Variants in EML5 observed in about 807,000 individuals in gnomAD.
EML5 encodes echinoderm microtubule-associated protein-like 5.
In EML5, 120 loss-of-function variants were observed where a neutral mutation model predicts 250.0. The ratio of observed to expected loss-of-function variants is 0.48; its 90% CI spans 0.41 to 0.56. The LOEUF (loss-of-function observed/expected upper bound fraction) is 0.56. EML5 is among the 20% of genes least tolerant of loss of function. The probability of loss-of-function intolerance (pLI) is 0.00; values close to 1 mark genes in which losing one functional copy is unlikely to be tolerated. For missense variants in EML5, 2,006 were observed against 2,437.6 expected (o/e 0.82, Z 3.73); for synonymous variants, 771 against 806.5 (o/e 0.96, Z 0.75).
At chr14:88,663,727 G>T (rs1189138763) in intron 23 of EML5, among the ~76,000 whole-genome samples, 2 of 150,718 alleles carry the variant, frequency 1.3e-5, no homozygotes, top group African/African-American at 4.9e-5. Flanking sequence ...TAGGAATGGG[G>T]TCTCACTGTG....
rs923502285 is a variant in EML5, at chr14:88,792,595, C to T, written c.-92G>A. The T allele has an allele frequency of 1.7e-6, 2 of 1,184,088 alleles. No individual in the cohort carries two copies. Among genetic ancestry groups the T allele is most frequent in the Non-Finnish European group, 2.1e-6 (2 of 956,816 alleles). 73.3% of individuals were successfully genotyped at this position (1,184,088 alleles called of 1,614,324 possible). On this transcript the variant is annotated 5_prime_UTR_variant, in exon 1 of 44. Transcript: ENST00000554922. This position sits in a 1 kb window ranked among gnomAD's most constrained non-coding sequence, Gnocchi z 6.9. ...CAACGAAAGCCCTCCCGCTGGCTGCCGGGACTTCCCGCCAGCCGCGTCCTC... is the reference window on the plus strand; with the variant it reads ...CAACGAAAGCCCTCCCGCTGGCTGCTGGGACTTCCCGCCAGCCGCGTCCTC...
chr14:88,701,808 C>A (rs995631683), intron 14 of EML5, among the ~76,000 whole-genome samples: 1 of 152,140 alleles, frequency 6.6e-6, no homozygotes, highest in Admixed American at 6.6e-5. Flanking sequence ...TAAACCTCAT[C>A]ATTTGTAGAC....
intron 1 of EML5, among the ~76,000 whole-genome samples, chr14:88,759,147 G>A (rs34372835): frequency 0.038 from 5,802 of 151,302 alleles, 181 homozygotes; most frequent in Non-Finnish European, 0.058. Context: ...TTTATGTTAT[G>A]TGAATCATAT....
At chr14:88,722,153 T>C (rs1041250552) in intron 8 of EML5, among the ~76,000 whole-genome samples, 3 of 152,246 alleles carry the variant, frequency 2.0e-5, no homozygotes, top group Admixed American at 1.3e-4. Context: ...GGAATGCTTT[T>C]ACACTGTTGG....
At position 88,717,731 on chromosome 14, in the gene EML5, G is replaced by C. The variant is rs1430470657; in HGVS notation, c.1188-2536C>G. 2.0e-5 allele frequency among the ~76,000 whole-genome samples: 3 copies of C among 151,508 alleles called. No individual in the cohort carries two copies. In the South Asian group the frequency reaches 6.3e-4, roughly 32 times the overall value. ...GATCCTGCCACTGCACTCCAGCCTGGGTGACAGGGCGAGACTCCGTCTCAA... is the reference window on the plus strand; with the variant it reads ...GATCCTGCCACTGCACTCCAGCCTGCGTGACAGGGCGAGACTCCGTCTCAA... On this transcript the variant is annotated intron_variant, in intron 8 of 43. Transcript: ENST00000554922.
chr14:88,616,631 A>G, intron 42 of EML5, 95 bp downstream of exon 42: 1 of 1,261,440 alleles, frequency 7.9e-7, no homozygotes, highest in East Asian at 2.5e-5. Flanking sequence ...TTTAGAAATT[A>G]GGACAAAACA....
In EML5 at chr14:88,618,277, G is replaced by A. The variant is rs2088089611; in HGVS notation, c.5593C>T (p.Leu1865Phe). The change falls in exon 41 of 44, where the codon CTT (leucine) becomes TTT (phenylalanine). Residue 1865 changes from leucine (L) to phenylalanine (F), a missense_variant. Coordinates refer to ENST00000554922, the MANE Select transcript of EML5 (RefSeq NM_183387.3). ...CTGTCAATAGCGGCATGATCCATAA[G>A]ATGTTTTCCTGAAGGCACTTCATAG... ...HVYEVPSGKH[L>F]MDHAAIDRIT... 5 of 1,613,790 alleles carry A rather than the reference G, an allele frequency of 3.1e-6. No individual in the cohort carries two copies. The highest frequency in any genetic ancestry group is 4.2e-6 in the Non-Finnish European group (5 of 1,179,854).
intron 1 of EML5, among the ~76,000 whole-genome samples, chr14:88,767,778 A>C (rs890669580): frequency 6.6e-6 from 1 of 152,188 alleles, no homozygotes; most frequent in Admixed American, 6.5e-5. Context: ...ATCCCTCATC[A>C]CACTTCATTA....
intron 21 of EML5, among the ~76,000 whole-genome samples, chr14:88,668,192 A>G (rs2092358064): frequency 6.6e-6 from 1 of 152,164 alleles, no homozygotes; most frequent in South Asian, 2.1e-4. Flanking sequence ...TTTTTATTAA[A>G]TTCCCACTGT....
At chr14:88,626,359 T>C (rs61984736) in intron 35 of EML5, 30,119 of 155,926 alleles carry the variant, frequency 0.19, 3,646 homozygotes, top group East Asian at 0.37. Flanking sequence ...TGGTGGCTCA[T>C]GCCTGTAAAC....
intron 2 of EML5, among the ~76,000 whole-genome samples, chr14:88,752,718 C>T (rs1373558211): frequency 6.6e-6 from 1 of 152,186 alleles, no homozygotes; most frequent in African/African-American, 2.4e-5. Context: ...TGTTTTCCCA[C>T]CCGAATGTTG....
chr14:88,770,850 C>T (rs1406974781), intron 1 of EML5, among the ~76,000 whole-genome samples: 1 of 152,080 alleles, frequency 6.6e-6, no homozygotes, highest in Non-Finnish European at 1.5e-5. Flanking sequence ...AAGATTATTA[C>T]CCATCCATAT....
chr14:88,706,020 C>A, intron 11 of EML5: 1 of 548,476 alleles, frequency 1.8e-6, no homozygotes. Context: ...ATTAATATAA[C>A]TGTTTCTTCA....
chr14:88,647,156 T>C (rs988306356), intron 28 of EML5, among the ~76,000 whole-genome samples: 2 of 151,848 alleles, frequency 1.3e-5, no homozygotes, highest in African/African-American at 4.8e-5. Context: ...AGGTCAGGAG[T>C]TCGAGACCAG....
Position 88,712,440 on chromosome 14 carries a change from A to G in EML5, c.1488T>C (p.His496=), listed in dbSNP as rs1181882327. The G allele has an allele frequency of 5.6e-6, 9 of 1,613,636 alleles. No homozygotes were observed. Among genetic ancestry groups the G allele is most frequent in the South Asian group, 1.1e-5 (1 of 91,072 alleles). The change falls in exon 10 of 44, where the codon CAT becomes CAC. Residue 496 remains histidine (H), a synonymous_variant. Transcript: ENST00000554922. ...CTGAAACACATGTCCATGAAGCCCA[A>G]TGAACACCTTTTATTTCTTCTGTAC... ...VTSTEEIKGV[H]WASWTCVSGL...
intron 27 of EML5, among the ~76,000 whole-genome samples, chr14:88,651,668 T>C (rs1445733069): frequency 6.6e-6 from 1 of 152,038 alleles, no homozygotes; most frequent in African/African-American, 2.4e-5. Flanking sequence ...CCTTAAGTCA[T>C]ATTAAACACT....
intron 5 of EML5, among the ~76,000 whole-genome samples, chr14:88,739,975 C>T (rs970730995): frequency 2.6e-5 from 4 of 152,098 alleles, no homozygotes; most frequent in South Asian, 2.1e-4. Context: ...AACCAAAAAA[C>T]GCTAAGAATT....
At chr14:88,675,064 C>T (rs1435565946) in intron 21 of EML5, among the ~76,000 whole-genome samples, 5 of 152,218 alleles carry the variant, frequency 3.3e-5, no homozygotes, top group Non-Finnish European at 7.3e-5. Flanking sequence ...TGGCTGCTTT[C>T]ACAGGCTGGC....
At chr14:88,772,654 G>A (rs1454039305) in intron 1 of EML5, among the ~76,000 whole-genome samples, 1 of 152,094 alleles carries the variant, frequency 6.6e-6, no homozygotes, top group Admixed American at 6.5e-5. Flanking sequence ...TGGGGAGGCT[G>A]AGGCAGAAGA....
Sources: gnomAD v4.1 joint callset for allele counts (sites outside exome capture counted in the v4.1 genomes callset) on GRCh38, gnomAD v4.1.1 for gene constraint, Gnocchi (gnomAD v3.1) non-coding constraint, MANE v1.5 for transcripts, NCBI Gene and HGNC (gene_info 2026-07-23, HGNC 2026-07-21) for gene names.